Variants in PTCD3 observed in about 807,000 individuals in gnomAD.
PTCD3 encodes the protein pentatricopeptide repeat domain 3.
PTCD3 carries 89 observed loss-of-function variants against 101.9 expected under a neutral mutation model. The ratio of observed to expected loss-of-function variants is 0.87; its 90% CI spans 0.74 to 1.04. The LOEUF (loss-of-function observed/expected upper bound fraction) is 1.04, where lower values mean the gene tolerates loss of function less well. PTCD3 is among the 50% of genes least tolerant of loss of function. The probability of loss-of-function intolerance (pLI) is 0.00; values close to 1 mark genes in which losing one functional copy is unlikely to be tolerated. For missense variants in PTCD3, 870 were observed against 828.2 expected (o/e 1.05, Z -0.62); for synonymous variants, 296 against 278.5 (o/e 1.06, Z -0.63).
At chr2:86,117,259 A>G in intron 6 of PTCD3, 100 bp downstream of exon 6, 1 of 563,246 alleles carries the variant, frequency 1.8e-6, no homozygotes, top group South Asian at 2.9e-5. Flanking sequence ...GAATACCCTC[A>G]ATATTTGGAT....
chr2:86,125,357 C>G (rs1048709310), intron 10 of PTCD3, 98 bp from the exon 11 acceptor site: 7 of 1,293,706 alleles, frequency 5.4e-6, no homozygotes, highest in East Asian at 4.6e-5. Context: ...GGAGCCTGAT[C>G]TATTGAGCCT....
At chr2:86,128,071 TTATCTTC>T in intron 14 of PTCD3, 80 bp downstream of exon 14, 1 of 1,123,170 alleles carries the variant, frequency 8.9e-7, no homozygotes, top group Non-Finnish European at 1.3e-6. Flanking sequence ...ATTGTTGTAG[TTATCTTC>T]TCTGCATATG....
intron 4 of PTCD3, among the ~76,000 whole-genome samples, chr2:86,113,152 C>G (rs138646371): frequency 6.6e-6 from 1 of 152,120 alleles, no homozygotes; most frequent in African/African-American, 2.4e-5. Context: ...ATTAAGTATA[C>G]GTAAGATTTA....
At chr2:86,113,202 A>G (rs1558793796) in intron 4 of PTCD3, among the ~76,000 whole-genome samples, 2 of 152,198 alleles carry the variant, frequency 1.3e-5, no homozygotes, top group Non-Finnish European at 2.9e-5. Context: ...GGTACATTGT[A>G]TTTTGTTACT....
chr2:86,118,869 C>T, intron 6 of PTCD3, 52 bp from the exon 7 acceptor site: 1 of 1,570,942 alleles, frequency 6.4e-7, no homozygotes. Flanking sequence ...CTCAGTTATC[C>T]TTCCCTCACC....
chr2:86,129,080 A>ATTTTTTTTTTTTTTTTTTTTTT (rs1674449305), intron 14 of PTCD3, among the ~76,000 whole-genome samples: 1 of 152,172 alleles, frequency 6.6e-6, no homozygotes, highest in African/African-American at 2.4e-5. Context: ...GTATAGGCAA[A>ATTTTTTTTTTTTTTTTTTTTTT]TTTTATCTTT....
chr2:86,119,329 G>A lies in PTCD3; in HGVS notation c.538+285G>A. The A allele has an allele frequency of 1.6e-5, 6 of 372,392 alleles. No homozygotes were observed. In the South Asian group the frequency reaches 2.3e-4, roughly 14 times the overall value. 23.1% of individuals were successfully genotyped at this position (372,392 alleles called of 1,614,324 possible). On this transcript the variant is annotated intron_variant, in intron 7 of 23. Transcript: ENST00000254630. ...TCTGTTTTTAATGTTAGGTAGGTAT[G>A]CAGTGCTCCCAGATTTCCTGTACCC... is the stretch of plus-strand genomic sequence containing the variant.
At chr2:86,121,645 G>A (rs1379312356) in intron 8 of PTCD3, 51 bp downstream of exon 8, 7 of 1,200,724 alleles carry the variant, frequency 5.8e-6, no homozygotes, top group African/African-American at 1.5e-5. Flanking sequence ...TCTTTTTGAA[G>A]AAATTGCTTT....
At chr2:86,123,205 T>A (rs910669367) in intron 8 of PTCD3, among the ~76,000 whole-genome samples, 3 of 149,424 alleles carry the variant, frequency 2.0e-5, no homozygotes, top group African/African-American at 7.4e-5. Context: ...GAGGTTGCAG[T>A]GAGCCAAGAC....
At chr2:86,125,322 C>G in intron 10 of PTCD3, 133 bp from the exon 11 acceptor site, 3 of 1,116,002 alleles carry the variant, frequency 2.7e-6, no homozygotes, top group Non-Finnish European at 3.9e-6. Context: ...TCCCACTGCA[C>G]TAGAGTATGA....
At chr2:86,130,829 T>C in intron 15 of PTCD3, 92 bp downstream of exon 15, 2 of 1,494,706 alleles carry the variant, frequency 1.3e-6, no homozygotes, top group Non-Finnish European at 1.8e-6. Flanking sequence ...TCCCTATAGC[T>C]TAGAAGTATT....
At chr2:86,136,634 C>G in intron 22 of PTCD3, 72 bp downstream of exon 22, 2 of 1,509,384 alleles carry the variant, frequency 1.3e-6, no homozygotes, top group Non-Finnish European at 1.8e-6. Flanking sequence ...CTTCACCAGC[C>G]TTAGCCACCA....
chr2:86,128,864 G>A (rs1175301640), intron 14 of PTCD3, among the ~76,000 whole-genome samples: 2 of 152,218 alleles, frequency 1.3e-5, no homozygotes, highest in Non-Finnish European at 2.9e-5. Context: ...TCCACACTGT[G>A]TCTGCTACTG....
chr2:86,124,335 T>C (rs1490789395), intron 9 of PTCD3, among the ~76,000 whole-genome samples: 2 of 152,196 alleles, frequency 1.3e-5, no homozygotes, highest in Non-Finnish European at 2.9e-5. Flanking sequence ...ATTAAATTCC[T>C]TGGGGTAGGC....
chr2:86,137,850 CACACCTAGAG>C lies in PTCD3; in HGVS notation c.*292_*301del. On this transcript the variant is annotated 3_prime_UTR_variant, in exon 24 of 24. Transcript: ENST00000254630. ...GGCTCTTGTCATCAGGATAAGCCTG[CACACCTAGAG>C]TGTCGGTGAGCTGACCTCACGATGC... 3 of 342,370 alleles carry C rather than the reference CACACCTAGAG, an allele frequency of 8.8e-6. No homozygotes were observed. The highest frequency in any genetic ancestry group is 2.6e-5 in the South Asian group (1 of 38,564). 21.2% of individuals were successfully genotyped at this position (342,370 alleles called of 1,614,324 possible). A position where few individuals can be genotyped will look rare whatever the true frequency, so the allele number is the denominator to read the frequency against.
intron 9 of PTCD3, among the ~76,000 whole-genome samples, chr2:86,124,325 A>T (rs59725174): frequency 0.067 from 10,196 of 152,256 alleles, 1,148 homozygotes; most frequent in African/African-American, 0.23. Context: ...AGGATGAAAG[A>T]TTAAATTCCT....
intron 19 of PTCD3, 74 bp downstream of exon 19, chr2:86,133,510 A>T: frequency 7.2e-7 from 1 of 1,385,640 alleles, no homozygotes; most frequent in African/African-American, 1.4e-5. Flanking sequence ...ATGTGCTAAC[A>T]TTACTGTTAG....
chr2:86,106,267 T>A lies in PTCD3; in HGVS notation c.20T>A (p.Val7Asp). The A allele has an allele frequency of 6.2e-7, 1 of 1,614,092 alleles. No individual in the cohort carries two copies. Among genetic ancestry groups the A allele is most frequent in the Non-Finnish European group, 8.5e-7 (1 of 1,179,972 alleles). Residue 7 changes from valine to aspartate, a missense_variant, in exon 1 of 24, where the codon GTT (valine) becomes GAT (aspartate). Physicochemically the swap from Val to Asp is radical, Grantham distance 152. Coordinates refer to ENST00000254630, the MANE Select transcript of PTCD3 (RefSeq NM_017952.6). MAVVSA[V>D]RWLGLRSRLG... is the part of the protein sequence containing the mutation. The stretch of plus-strand genomic sequence containing the variant: ...TCAAAGATGGCGGTTGTATCTGCTG[T>A]TCGCTGGCTGGGCCTCCGCAGCAGG...
Position 86,137,859 on chromosome 2 carries a change from A to T in PTCD3, c.*300A>T. The T allele has an allele frequency of 3.1e-6, 1 of 318,968 alleles. No individual in the cohort carries two copies. Among genetic ancestry groups the T allele is most frequent in the South Asian group, 2.9e-5 (1 of 33,910 alleles). 19.8% of individuals were successfully genotyped at this position (318,968 alleles called of 1,614,324 possible). The stretch of plus-strand genomic sequence containing the variant: ...CATCAGGATAAGCCTGCACACCTAG[A>T]GTGTCGGTGAGCTGACCTCACGATG... On this transcript the variant is annotated 3_prime_UTR_variant, in exon 24 of 24. Coordinates refer to ENST00000254630, the MANE Select transcript of PTCD3 (RefSeq NM_017952.6).
Sources: gnomAD v4.1 joint callset for allele counts (sites outside exome capture counted in the v4.1 genomes callset) on GRCh38, gnomAD v4.1.1 for gene constraint, MANE v1.5 for transcripts, NCBI Gene and HGNC (gene_info 2026-07-23, HGNC 2026-07-21) for gene names.